The following GNA13 variants were observed in gnomAD, a reference collection of about 807,000 sequenced individuals.
The protein encoded by GNA13 is guanine nucleotide-binding protein subunit alpha-13.
In GNA13, 4 loss-of-function variants were observed where a neutral mutation model predicts 33.5. The ratio of observed to expected loss-of-function variants is 0.12; its 90% CI spans 0.06 to 0.27. The LOEUF (loss-of-function observed/expected upper bound fraction) is 0.27, where lower values mean the gene tolerates loss of function less well. GNA13 is among the 10% of genes least tolerant of loss of function. The pLI, the probability that GNA13 is intolerant of heterozygous loss-of-function variation, is 1.00. For missense variants in GNA13, 319 were observed against 487.2 expected, an observed-to-expected ratio of 0.65 and a Z score of 3.25; for synonymous variants, 176 against 183.8, an observed-to-expected ratio of 0.96 and a Z score of 0.34.
intron 1 of GNA13, among the ~76,000 whole-genome samples, chr17:65,055,431 T>C (rs1378967320): frequency 6.6e-6 from 1 of 152,210 alleles, no homozygotes; most frequent in Non-Finnish European, 1.5e-5. Flanking sequence ...ACTCATTCAT[T>C]GTCTCCATCT....
intron 1 of GNA13, 105 bp downstream of exon 1, chr17:65,056,206 T>G: frequency 1.0e-6 from 1 of 976,294 alleles, no homozygotes; most frequent in Non-Finnish European, 1.4e-6. Flanking sequence ...CCGGGCCCGT[T>G]CCTTCGCCAG....
In GNA13 at chr17:65,010,055, A is replaced by G. The variant is rs1906129992; in HGVS notation, c.*4202T>C. Among the ~76,000 whole-genome samples, 1 of 152,194 alleles carries G rather than the reference A, an allele frequency of 6.6e-6. No homozygotes were observed. The highest frequency in any genetic ancestry group is 1.5e-5 in the Non-Finnish European group (1 of 68,020). On this transcript the variant is annotated 3_prime_UTR_variant, in exon 4 of 4. Coordinates refer to ENST00000439174, the MANE Select transcript of GNA13 (RefSeq NM_006572.6). ...TTGTATATGTCACAAAACTCTCCTT[A>G]TCAAGACATAAAATATTGCCATATC...
chr17:65,019,978 A>T (rs1487003654), intron 2 of GNA13, among the ~76,000 whole-genome samples: 1 of 152,232 alleles, frequency 6.6e-6, no homozygotes, highest in African/African-American at 2.4e-5. Flanking sequence ...AAAATTAAAA[A>T]CAGAAAAATT....
At chr17:65,052,738 C>T (rs1649724654) in intron 2 of GNA13, among the ~76,000 whole-genome samples, 1 of 152,130 alleles carries the variant, frequency 6.6e-6, no homozygotes, top group Non-Finnish European at 1.5e-5. Flanking sequence ...TATGGGTAGT[C>T]TCGTTAAAGA....
intron 1 of GNA13, among the ~76,000 whole-genome samples, chr17:65,055,945 C>T (rs1336161049): frequency 6.6e-6 from 1 of 152,130 alleles, no homozygotes; most frequent in African/African-American, 2.4e-5. Context: ...GGTGTTCCTG[C>T]CTCATCCGCA....
At chr17:65,020,026 A>T (rs972014821) in intron 2 of GNA13, among the ~76,000 whole-genome samples, 2 of 152,236 alleles carry the variant, frequency 1.3e-5, no homozygotes, top group Non-Finnish European at 2.9e-5. Context: ...ACAAATGATG[A>T]TGTCTCTGGA....
intron 2 of GNA13, among the ~76,000 whole-genome samples, chr17:65,019,713 TAGGTACAAA>T (rs1567817796): frequency 6.6e-6 from 1 of 152,172 alleles, no homozygotes; most frequent in African/African-American, 2.4e-5. Context: ...GGACGGCTAA[TAGGTACAAA>T]AGATAGTTAA....
chr17:65,039,203 T>C (rs1907370507), intron 2 of GNA13, among the ~76,000 whole-genome samples: 1 of 152,244 alleles, frequency 6.6e-6, no homozygotes, highest in South Asian at 2.1e-4. Context: ...TGATTTTCCC[T>C]ACAAAGTATA....
intron 2 of GNA13, among the ~76,000 whole-genome samples, chr17:65,044,529 G>A (rs1278939136): frequency 6.6e-6 from 1 of 151,974 alleles, no homozygotes; most frequent in Non-Finnish European, 1.5e-5. Context: ...CAGGCACGGT[G>A]GTGGCTCACG....
chr17:65,022,566 A>G (rs1906621257), intron 2 of GNA13, among the ~76,000 whole-genome samples: 1 of 152,202 alleles, frequency 6.6e-6, no homozygotes, highest in Admixed American at 6.5e-5. Context: ...GAAGAATACA[A>G]TGTATGCCAA....
intron 2 of GNA13, among the ~76,000 whole-genome samples, chr17:65,028,617 T>C (rs557010710): frequency 6.6e-6 from 1 of 152,248 alleles, no homozygotes; most frequent in African/African-American, 2.4e-5. Context: ...AAGAAGACTG[T>C]TTCATGTGTC....
chr17:65,050,020 GTGGCCTAA>G (rs1907805362), intron 2 of GNA13, among the ~76,000 whole-genome samples: 1 of 152,206 alleles, frequency 6.6e-6, no homozygotes, highest in Admixed American at 6.5e-5. Context: ...AGTATGTCCA[GTGGCCTAA>G]TGAAATATAT....
chr17:65,018,605 T>A (rs1373343229), intron 2 of GNA13, among the ~76,000 whole-genome samples: 1 of 152,200 alleles, frequency 6.6e-6, no homozygotes, highest in Non-Finnish European at 1.5e-5. Context: ...AGTGAAGACA[T>A]ATAATTAGAA....
intron 2 of GNA13, among the ~76,000 whole-genome samples, chr17:65,050,093 C>G (rs1413628610): frequency 2.6e-5 from 4 of 152,154 alleles, no homozygotes; most frequent in African/African-American, 9.7e-5. Flanking sequence ...AAAAGCTGAG[C>G]TCTGTTCTGA....
rs1907926801 is a variant in GNA13 at position 65,053,487 on chromosome 17, G to A, written c.510+15C>T. The A allele has an allele frequency of 6.7e-7, 1 of 1,487,332 alleles. No homozygotes were observed. Among genetic ancestry groups the A allele is most frequent in the Admixed American group, 1.7e-5 (1 of 59,788 alleles). The allele number at this position is 1,487,332 out of a possible 1,614,324, so 92.1% of individuals were successfully genotyped here. A position where few individuals can be genotyped will look rare whatever the true frequency, so the allele number is the denominator to read the frequency against. On this transcript the variant is annotated intron_variant, in intron 2 of 3. Coordinates refer to ENST00000439174, the MANE Select transcript of GNA13 (RefSeq NM_006572.6). Reference sequence around the variant, plus strand: ...TAAAATAAAACCACACGTTTTAAAAGAGCAAATCTCTTACCAGTTGAAATT... The same window carrying A: ...TAAAATAAAACCACACGTTTTAAAAAAGCAAATCTCTTACCAGTTGAAATT...
intron 2 of GNA13, among the ~76,000 whole-genome samples, chr17:65,024,932 C>A (rs549490781): frequency 1.3e-5 from 2 of 152,138 alleles, no homozygotes; most frequent in Non-Finnish European, 2.9e-5. Context: ...GTTATCCAGG[C>A]TGGAGTACAG....
At chr17:65,056,261 GC>G in intron 1 of GNA13, 49 bp downstream of exon 1, 1 of 560,696 alleles carries the variant, frequency 1.8e-6, no homozygotes, top group Non-Finnish European at 3.0e-6. Flanking sequence ...ACCCGCCGCC[GC>G]CCCAGCCCCC....
chr17:65,045,973 T>G (rs564106527), intron 2 of GNA13, among the ~76,000 whole-genome samples: 67 of 152,320 alleles, frequency 4.4e-4, no homozygotes, highest in Non-Finnish European at 8.8e-4. Flanking sequence ...AGCTGTGGAC[T>G]AGGAGTCAGC....
chr17:65,028,006 A>G (rs1402696087), intron 2 of GNA13, among the ~76,000 whole-genome samples: 3 of 152,166 alleles, frequency 2.0e-5, no homozygotes, highest in African/African-American at 7.2e-5. Flanking sequence ...TGGGAGGCCG[A>G]GGTGGGCGGA....
Sources: gnomAD v4.1 joint callset for allele counts (sites outside exome capture counted in the v4.1 genomes callset) on GRCh38, gnomAD v4.1.1 for gene constraint, MANE v1.5 for transcripts, NCBI Gene and HGNC (gene_info 2026-07-23, HGNC 2026-07-21) for gene names.